PLEKHA7: variants seen among roughly 807,000 people sequenced by gnomAD.
PLEKHA7 encodes pleckstrin homology domain containing A7.
A neutral mutation model predicts 170.0 loss-of-function variants in PLEKHA7; 104 were observed. The ratio of observed to expected loss-of-function variants is 0.61; its 90% CI spans 0.52 to 0.72. The LOEUF is 0.72. Among genes scored for constraint, PLEKHA7 ranks in the 30% least tolerant of loss-of-function variants. The pLI is 0.00. For synonymous variants in PLEKHA7, 648 were observed against 660.8 expected, an observed-to-expected ratio of 0.98 and a Z score of 0.30; for missense variants, 1,615 against 1,671.7, an observed-to-expected ratio of 0.97 and a Z score of 0.59.
intron 3 of PLEKHA7, among the ~76,000 whole-genome samples, chr11:16,967,958 G>A (rs1862474289): frequency 6.6e-6 from 1 of 152,070 alleles, no homozygotes; most frequent in African/African-American, 2.4e-5. Context: ...ATTCTCCCTT[G>A]GCATGGAAAG....
intron 3 of PLEKHA7, among the ~76,000 whole-genome samples, chr11:17,006,549 A>C (rs1590837815): frequency 7.0e-6 from 1 of 142,968 alleles, no homozygotes; most frequent in South Asian, 2.3e-4. Context: ...AATCGCTTGA[A>C]CCCGGGAAGC....
intron 13 of PLEKHA7, among the ~76,000 whole-genome samples, chr11:16,804,141 G>A (rs1411515803): frequency 6.6e-6 from 1 of 152,100 alleles, no homozygotes; most frequent in Non-Finnish European, 1.5e-5. Context: ...AGGGGCTGAG[G>A]GGAGTGACTT....
rs1564908970 is a variant in PLEKHA7 at position 16,789,787 on chromosome 11, C to T, written c.3144G>A (p.Lys1048=). 6.2e-7 allele frequency: 1 copy of T among 1,613,924 alleles called. No individual in the cohort carries two copies. The highest frequency in any genetic ancestry group is 1.1e-5 in the South Asian group (1 of 91,066). ...CAAGGCCACTCACAGGGAAGGTCGC[C>T]TTGCTGCTTTCGGCATTGAGACCCC... ...LRRGLNAESS[K]ATFPRPKSAL... Residue 1048 remains lysine (K), a synonymous_variant, in exon 22 of 27, where the codon AAG becomes AAA. Transcript: ENST00000531066. The surrounding 1 kb of genome is among the most constrained non-coding windows in gnomAD (Gnocchi z 4.6).
chr11:16,783,318 G>C (rs1195647109), intron 25 of PLEKHA7, among the ~76,000 whole-genome samples: 1 of 152,240 alleles, frequency 6.6e-6, no homozygotes, highest in African/African-American at 2.4e-5. Flanking sequence ...CCTTGGCTCT[G>C]ATCCGCTGGT....
chr11:16,789,337 G>A lies in PLEKHA7; in HGVS notation c.3157-41C>T. 2 of 1,598,006 alleles carry A rather than the reference G, an allele frequency of 1.3e-6. No individual in the cohort carries two copies. The highest frequency in any genetic ancestry group is 1.7e-6 in the Non-Finnish European group (2 of 1,169,900). ...CAGGCAAGAGAGACACAGAACAGCT[G>A]GGCTGGGCACGCAGAGGACAGCCAC... On this transcript the variant is annotated intron_variant, in intron 22 of 26. Transcript: ENST00000531066. This position sits in a 1 kb window ranked among gnomAD's most constrained non-coding sequence, Gnocchi z 4.6.
At chr11:16,858,895 C>A (rs1853699832) in intron 4 of PLEKHA7, among the ~76,000 whole-genome samples, 3 of 152,224 alleles carry the variant, frequency 2.0e-5, no homozygotes, top group South Asian at 2.1e-4. Flanking sequence ...AACTCCACGT[C>A]TCCTCCCCAT....
At chr11:16,908,676 A>T (rs566223168) in intron 3 of PLEKHA7, among the ~76,000 whole-genome samples, 15 of 152,074 alleles carry the variant, frequency 9.9e-5, no homozygotes, top group Admixed American at 3.3e-4. Flanking sequence ...TTGTATTTTT[A>T]GTAGAGATGG....
chr11:16,910,808 A>T (rs1335433368), intron 3 of PLEKHA7, among the ~76,000 whole-genome samples: 1 of 152,256 alleles, frequency 6.6e-6, no homozygotes, highest in Non-Finnish European at 1.5e-5. Context: ...GAGGAGCAGA[A>T]AGATGGACTA....
Position 16,790,792 on chromosome 11 carries a change from C to A in PLEKHA7, c.3052+6G>T, listed in dbSNP as rs762786181. Reference sequence around the variant, plus strand: ...CAGAGAAACTCCAGGGAGGGCCCTGCCTTACCTCTGCCTGGCAGCGTCTGG... The same window carrying A: ...CAGAGAAACTCCAGGGAGGGCCCTGACTTACCTCTGCCTGGCAGCGTCTGG... On this transcript the variant is annotated splice_donor_region_variant and intron_variant, in intron 21 of 26. Coordinates refer to ENST00000531066, the MANE Select transcript of PLEKHA7 (RefSeq NM_001329630.2). 20 of 1,607,792 alleles carry A rather than the reference C, an allele frequency of 1.2e-5. No individual in the cohort carries two copies. Among genetic ancestry groups the A allele is most frequent in the Non-Finnish European group, 1.6e-5 (19 of 1,177,334 alleles).
chr11:16,981,816 C>T (rs372980885), intron 3 of PLEKHA7, among the ~76,000 whole-genome samples: 4 of 152,158 alleles, frequency 2.6e-5, no homozygotes, highest in East Asian at 3.9e-4. Context: ...CCATTGTCTC[C>T]GTCTGAACTG....
At chr11:16,783,629 AG>A in intron 25 of PLEKHA7, 70 bp downstream of exon 25, 1 of 1,309,182 alleles carries the variant, frequency 7.6e-7, no homozygotes, top group Non-Finnish European at 9.7e-7. Context: ...AGCCCGGCCC[AG>A]GGCCCACATG....
chr11:16,892,458 TG>T (rs569642244), intron 3 of PLEKHA7, among the ~76,000 whole-genome samples: 4 of 95,050 alleles, frequency 4.2e-5, no homozygotes, highest in Admixed American at 1.1e-4. Context: ...TGTTTTGTTT[TG>T]TTTTGAGATA....
At chr11:16,843,041 AT>A (rs1174265506) in intron 8 of PLEKHA7, among the ~76,000 whole-genome samples, 1 of 152,230 alleles carries the variant, frequency 6.6e-6, no homozygotes, top group Non-Finnish European at 1.5e-5. Context: ...TCCTCTATAA[AT>A]GTAAGCTACA....
At chr11:16,794,824 C>A in intron 18 of PLEKHA7, 86 bp downstream of exon 18, 2 of 1,472,602 alleles carry the variant, frequency 1.4e-6, no homozygotes, top group Non-Finnish European at 1.9e-6. Flanking sequence ...CAAGGGCCAT[C>A]CCACCCACCT....
chr11:16,851,401 C>T (rs903929863), intron 7 of PLEKHA7, 110 bp from the exon 8 acceptor site: 6 of 600,818 alleles, frequency 1.0e-5, no homozygotes, highest in Non-Finnish European at 1.7e-5. Context: ...TTGTAATGTC[C>T]ATCCTCCCAC....
rs140793209 is a variant in PLEKHA7, at chr11:16,790,085, G to A, written c.3053-207C>T. 1,432 of 574,198 alleles carry A rather than the reference G, an allele frequency of 2.5e-3. 6 individuals are homozygous for A. The highest frequency in any genetic ancestry group is 6.6e-3 in the South Asian group (325 of 49,500). 35.6% of individuals were successfully genotyped at this position (574,198 alleles called of 1,614,324 possible). On this transcript the variant is annotated intron_variant, in intron 21 of 26. Transcript: ENST00000531066. ...CAGGGGTGACCTTTGTCCCTGATGGGGGGCAGTGTCCCTGCAGATCTGTGG... is the reference window on the plus strand; with the variant it reads ...CAGGGGTGACCTTTGTCCCTGATGGAGGGCAGTGTCCCTGCAGATCTGTGG...
chr11:16,871,280 A>G, intron 3 of PLEKHA7, 98 bp from the exon 4 acceptor site: 1 of 899,808 alleles, frequency 1.1e-6, no homozygotes, highest in Non-Finnish European at 1.8e-6. Flanking sequence ...CTGGTCATCA[A>G]AGATTTCACA....
intron 3 of PLEKHA7, among the ~76,000 whole-genome samples, chr11:16,987,634 C>T (rs1863815188): frequency 6.6e-6 from 1 of 152,172 alleles, no homozygotes; most frequent in South Asian, 2.1e-4. Flanking sequence ...GAACTCCTTA[C>T]CCCACCCCTT....
rs919908338 is a variant in PLEKHA7, at chr11:17,014,329, C to T, written c.73G>A (p.Val25Ile). 22 of 1,447,008 alleles carry T rather than the reference C, an allele frequency of 1.5e-5. No homozygotes were observed. The highest frequency in any genetic ancestry group is 1.9e-5 in the Non-Finnish European group (21 of 1,095,274). The allele number at this position is 1,447,008 out of a possible 1,614,324, so 89.6% of individuals were successfully genotyped here. ...WSYGVCRDGR[V>I]FFINDQLRCT... Reference sequence around the variant, plus strand: ...CTCGCGCCGCACTTGATGAAGAAGACGCGGCCATCCCGGCACACCCCGTAG... The same window carrying T: ...CTCGCGCCGCACTTGATGAAGAAGATGCGGCCATCCCGGCACACCCCGTAG... The change falls in exon 1 of 27, where the codon GTC (valine) becomes ATC (isoleucine). Residue 25 changes from valine (V) to isoleucine (I), a missense_variant. Val to Ile is a conservative substitution (Grantham distance 29). Coordinates refer to ENST00000531066, the MANE Select transcript of PLEKHA7 (RefSeq NM_001329630.2).
Sources: allele counts gnomAD v4.1 joint callset (sites outside exome capture counted in the v4.1 genomes callset), GRCh38; gene constraint gnomAD v4.1.1; non-coding constraint Gnocchi (gnomAD v3.1); transcripts MANE v1.5; gene names NCBI Gene and HGNC (gene_info 2026-07-23, HGNC 2026-07-21).